ZNF385D: variants seen among roughly 807,000 people sequenced by gnomAD.
The protein encoded by ZNF385D is zinc finger protein 659.
In ZNF385D, 15 loss-of-function variants were observed where a neutral mutation model predicts 35.8. The ratio of observed to expected loss-of-function variants is 0.42; its 90% CI spans 0.28 to 0.64. ZNF385D has a LOEUF of 0.64. Ranked by LOEUF, ZNF385D falls within the 30% of genes least tolerant of loss-of-function variation. The pLI is 0.23. For synonymous variants in ZNF385D, 212 were observed against 186.8 expected (o/e 1.13, Z -1.10); for missense variants, 474 against 494.6 (o/e 0.96, Z 0.39).
intron 4 of ZNF385D, among the ~76,000 whole-genome samples, chr3:21,456,975 A>T (rs1265498281): frequency 6.6e-6 from 1 of 152,122 alleles, no homozygotes; most frequent in East Asian, 1.9e-4. Context: ...ATTCAAACAT[A>T]TTATGTAATA....
chr3:21,559,682 AT>A (rs934798997), intron 3 of ZNF385D, among the ~76,000 whole-genome samples: 1 of 151,900 alleles, frequency 6.6e-6, no homozygotes, highest in African/African-American at 2.4e-5. Context: ...TGTTCTCTGT[AT>A]TTCCTGAATT....
In ZNF385D at chr3:22,358,061, A is replaced by G. The variant is rs74962629; in HGVS notation, c.106+14389T>C. 5.8e-3 allele frequency among the ~76,000 whole-genome samples: 889 copies of G among 152,024 alleles called. 6 individuals carry two copies. Among genetic ancestry groups the G allele is most frequent in the African/African-American group, 0.02 (835 of 41,532 alleles). On this transcript the variant is annotated intron_variant, in intron 2 of 5. Transcript: ENST00000494108. ...TATTTCCAAAGTTTGTACCTTATGCAGTACTGGGCACTCAATAAATATTTG... is the reference window on the plus strand; with the variant it reads ...TATTTCCAAAGTTTGTACCTTATGCGGTACTGGGCACTCAATAAATATTTG...
intron 3 of ZNF385D, among the ~76,000 whole-genome samples, chr3:22,086,346 T>A (rs1325564944): frequency 6.6e-6 from 1 of 152,198 alleles, no homozygotes; most frequent in Non-Finnish European, 1.5e-5. Context: ...ATAAGCAACT[T>A]CAGCAAAGTC....
intron 3 of ZNF385D, among the ~76,000 whole-genome samples, chr3:21,931,078 A>C (rs1206471920): frequency 1.3e-5 from 2 of 152,194 alleles, no homozygotes; most frequent in African/African-American, 4.8e-5. Flanking sequence ...ACTAGTACCC[A>C]GAATATATAA....
At chr3:22,236,501 A>G (rs368373174) in intron 2 of ZNF385D, among the ~76,000 whole-genome samples, 7 of 152,190 alleles carry the variant, frequency 4.6e-5, no homozygotes, top group Non-Finnish European at 8.8e-5. Flanking sequence ...GCATGAATTG[A>G]AAATTTTTAA....
At chr3:21,516,507 T>C (rs61063138) in intron 3 of ZNF385D, among the ~76,000 whole-genome samples, 5,854 of 152,210 alleles carry the variant, frequency 0.038, 364 homozygotes, top group African/African-American at 0.13. Context: ...TCTAAATCAC[T>C]AGAGACTCTG....
chr3:21,693,787 T>G (rs937719082), intron 1 of ZNF385D, among the ~76,000 whole-genome samples: 1 of 151,866 alleles, frequency 6.6e-6, no homozygotes, highest in Non-Finnish European at 1.5e-5. Flanking sequence ...AAATAAAAAA[T>G]GATGTATCAT....
In ZNF385D at chr3:21,750,675, CTT is replaced by C. The variant is rs1440572045; in HGVS notation, c.22+218_22+219del. Reference sequence around the variant, plus strand: ...CCGCCCCCTCCACATGTCCCTGTCTCTTTTCTTTTCCAACTTAAACTCATCCA... The same window carrying C: ...CCGCCCCCTCCACATGTCCCTGTCTCTTCTTTTCCAACTTAAACTCATCCA... On this transcript the variant is annotated intron_variant, in intron 1 of 7. Transcript: ENST00000281523. Among the ~76,000 whole-genome samples, 9 of 149,994 alleles carry C rather than the reference CTT, an allele frequency of 6.0e-5. No individual in the cohort carries two copies. In the East Asian group the frequency reaches 1.8e-3, roughly 30 times the overall value.
At chr3:21,814,921 A>C (rs2125716353) in intron 3 of ZNF385D, among the ~76,000 whole-genome samples, 1 of 152,286 alleles carries the variant, frequency 6.6e-6, no homozygotes, top group South Asian at 2.1e-4. Flanking sequence ...AAAACTGACC[A>C]CATAGTTGGA....
At chr3:21,985,890 T>A (rs1316165852) in intron 3 of ZNF385D, among the ~76,000 whole-genome samples, 1 of 129,836 alleles carries the variant, frequency 7.7e-6, no homozygotes, top group Non-Finnish European at 1.6e-5. Context: ...CCTGGTTTAG[T>A]CTTGGGAGAG....
chr3:21,687,957 C>T (rs920594718), intron 1 of ZNF385D, among the ~76,000 whole-genome samples: 2 of 151,862 alleles, frequency 1.3e-5, no homozygotes, highest in Non-Finnish European at 2.9e-5. Context: ...TGCAGTAGCA[C>T]GGTCACAGCT....
At chr3:22,331,303 G>C (rs1443581025) in intron 2 of ZNF385D, among the ~76,000 whole-genome samples, 1 of 151,982 alleles carries the variant, frequency 6.6e-6, no homozygotes, top group African/African-American at 2.4e-5. Context: ...TGAAAATTTA[G>C]AATACAAGAA....
chr3:21,553,478 G>A (rs2062631971), intron 3 of ZNF385D, among the ~76,000 whole-genome samples: 1 of 152,130 alleles, frequency 6.6e-6, no homozygotes, highest in East Asian at 1.9e-4. Context: ...AAGACATAAT[G>A]TTTTTGCTGG....
intron 3 of ZNF385D, 72 bp downstream of exon 3, chr3:21,564,502 C>A (rs1265652486): frequency 3.2e-6 from 3 of 932,456 alleles, no homozygotes; most frequent in East Asian, 2.8e-5. Flanking sequence ...CTTAAGAAAT[C>A]TTTTCTCCTG....
At chr3:22,001,506 A>C (rs1015099916) in intron 3 of ZNF385D, among the ~76,000 whole-genome samples, 1 of 152,162 alleles carries the variant, frequency 6.6e-6, no homozygotes, top group African/African-American at 2.4e-5. Flanking sequence ...ACTGGATATA[A>C]AGAGAGAAAT....
intron 2 of ZNF385D, among the ~76,000 whole-genome samples, chr3:22,241,573 A>G (rs950387671): frequency 6.6e-6 from 1 of 151,048 alleles, no homozygotes; most frequent in African/African-American, 2.4e-5. Flanking sequence ...CTTTGGATTT[A>G]TTATTTCTAA....
chr3:21,821,192 G>T (rs1694199786), intron 3 of ZNF385D, among the ~76,000 whole-genome samples: 1 of 151,668 alleles, frequency 6.6e-6, no homozygotes, highest in South Asian at 2.1e-4. Context: ...GTAGAAGGTG[G>T]TAAAATTACA....
chr3:22,128,796 TCTC>T (rs1246423687), intron 3 of ZNF385D, among the ~76,000 whole-genome samples: 1 of 152,180 alleles, frequency 6.6e-6, no homozygotes, highest in African/African-American at 2.4e-5. Flanking sequence ...TTGAATTCCT[TCTC>T]CTGTGTTTTC....
intron 2 of ZNF385D, among the ~76,000 whole-genome samples, chr3:22,220,517 T>C (rs1576517256): frequency 6.6e-6 from 1 of 152,194 alleles, no homozygotes; most frequent in East Asian, 1.9e-4. Context: ...GCAAAAGTCC[T>C]TGATCATCTG....
Sources: allele counts gnomAD v4.1 joint callset (sites outside exome capture counted in the v4.1 genomes callset), GRCh38; gene constraint gnomAD v4.1.1; transcripts MANE v1.5; gene names NCBI Gene and HGNC (gene_info 2026-07-23, HGNC 2026-07-21).